Variants in LAMA1 observed in about 807,000 individuals in gnomAD.
LAMA1 encodes laminin subunit alpha 1, also known as laminin subunit alpha-1.
A neutral mutation model predicts 348.7 loss-of-function variants in LAMA1; 219 were observed. The ratio of observed to expected loss-of-function variants is 0.63; its 90% CI spans 0.56 to 0.70. The LOEUF is 0.70. LAMA1 is among the 30% of genes least tolerant of loss of function. The pLI is 0.00. For missense variants in LAMA1, 3,744 were observed against 3,888.0 expected (o/e 0.96, Z 0.99); for synonymous variants, 1,487 against 1,491.0 (o/e 1.00, Z 0.06).
At chr18:6,978,084 G>A (rs955297630) in intron 43 of LAMA1, 112 bp downstream of exon 43, 248 of 1,436,918 alleles carry the variant, frequency 1.7e-4, no homozygotes, top group Non-Finnish European at 2.3e-4. Flanking sequence ...CCAGATGTTA[G>A]CATACTTCTA....
At chr18:7,070,236 C>A (rs1022527082) in intron 3 of LAMA1, among the ~76,000 whole-genome samples, 2 of 152,126 alleles carry the variant, frequency 1.3e-5, no homozygotes, top group Middle Eastern at 3.4e-3. Flanking sequence ...TTGGTGGAGG[C>A]CAGTATGAAG....
At chr18:7,100,857 A>G (rs1055950245) in intron 1 of LAMA1, among the ~76,000 whole-genome samples, 1 of 152,048 alleles carries the variant, frequency 6.6e-6, no homozygotes, top group African/African-American at 2.4e-5. Flanking sequence ...TAAAAATACA[A>G]CAATTAGCCA....
At chr18:7,066,933 G>A (rs554067988) in intron 3 of LAMA1, among the ~76,000 whole-genome samples, 1 of 152,330 alleles carries the variant, frequency 6.6e-6, no homozygotes, top group Non-Finnish European at 1.5e-5. Flanking sequence ...ATATTCAAAT[G>A]TTTGTTGCAG....
rs777066645 is a variant in LAMA1, at chr18:6,976,101, T to C, written c.6346-21A>G. 1.1e-5 allele frequency: 17 copies of C among 1,613,772 alleles called. No individual in the cohort carries two copies. The East Asian group carries it at 3.8e-4, about 36-fold the overall frequency. ...TTAATCTGTAGAAGGAAAATGAAAG[T>C]GTCCCCATCATTTAGTGACACACAC... On this transcript the variant is annotated intron_variant, in intron 44 of 62. Transcript: ENST00000389658.
At chr18:7,097,499 CTTT>C (rs10566387) in intron 1 of LAMA1, among the ~76,000 whole-genome samples, 33 of 109,852 alleles carry the variant, frequency 3.0e-4, no homozygotes, top group African/African-American at 6.4e-4. Flanking sequence ...TCTCAGCTGG[CTTT>C]TTTTTTTTTT....
At chr18:6,945,939 C>T (rs2057519572) in intron 61 of LAMA1, among the ~76,000 whole-genome samples, 3 of 152,044 alleles carry the variant, frequency 2.0e-5, no homozygotes, top group South Asian at 2.1e-4. Flanking sequence ...ATCCTGCCTG[C>T]GCCCAGACAG....
At chr18:6,962,111 T>C in intron 51 of LAMA1, 52 bp from the exon 52 acceptor site, 6 of 1,309,550 alleles carry the variant, frequency 4.6e-6, no homozygotes, top group Non-Finnish European at 6.7e-6. Flanking sequence ...TTAAATTCCA[T>C]TTTTGAAAGA....
chr18:7,000,656 C>T (rs1389776877), intron 30 of LAMA1, among the ~76,000 whole-genome samples: 2 of 152,144 alleles, frequency 1.3e-5, no homozygotes, highest in East Asian at 3.9e-4. Flanking sequence ...TACCCTCTGC[C>T]TTCACGTTTT....
rs1471105868 is a variant in LAMA1, at chr18:7,043,258, G to A, written c.1124C>T (p.Thr375Ile). Residue 375 changes from threonine (T) to isoleucine (I), a missense_variant, in exon 8 of 63, where the codon ACC becomes ATC. By Grantham distance (89) the Thr-to-Ile change is moderately conservative (BLOSUM62 -1). This residue lies in a region of LAMA1 where 1,529 missense variants were observed against 1,689.4 expected (regional missense o/e 0.91). Transcript: ENST00000389658. ...LQNTMGINCE[T>I]CIDGYYRPHK... ...TGGTCTATAATATCCATCAATACAG[G>A]TTTCACAGTTGATTCCCATGGTGTT... The A allele has an allele frequency of 1.2e-6, 2 of 1,613,932 alleles. No homozygotes were observed. Among genetic ancestry groups the A allele is most frequent in the Non-Finnish European group, 1.7e-6 (2 of 1,180,014 alleles).
intron 36 of LAMA1, among the ~76,000 whole-genome samples, chr18:6,988,808 T>TAAAAAAAAAAA (rs1169877701): frequency 3.0e-5 from 3 of 100,466 alleles, no homozygotes; most frequent in Non-Finnish European, 3.8e-5. Flanking sequence ...TCCGTCTCAA[T>TAAAAAAAAAAA]AAAAAAAAAA....
intron 14 of LAMA1, 27 bp downstream of exon 14, chr18:7,034,448 CGTAA>C (rs2057985144): frequency 2.6e-6 from 4 of 1,511,142 alleles, no homozygotes; most frequent in Non-Finnish European, 3.7e-6. Flanking sequence ...GTACCTTCAC[CGTAA>C]GTTTTTCCTC....
rs1270217504 is a variant in LAMA1 at position 6,975,947 on chromosome 18, C to T, written c.6479G>A (p.Ser2160Asn). ...EPDNLLFYLG[S>N]STASDFLAVE... is the part of the protein sequence containing the mutation. ...AGGTCCATAACTTACAGCGGTGCTG[C>T]TACCGAGGTAGAAGAGAAGATTATC... Residue 2160 changes from serine (S) to asparagine (N), a missense_variant, in exon 45 of 63, where the codon AGC becomes AAC. Ser to Asn is a conservative substitution (Grantham distance 46). Around this residue, in one of 3 missense-constraint regions of LAMA1, gnomAD observed 1,983 missense variants for 1,934.3 expected, o/e 1.03. Transcript: ENST00000389658. 5.0e-6 allele frequency: 8 copies of T among 1,614,084 alleles called. No homozygotes were observed. Among genetic ancestry groups the T allele is most frequent in the South Asian group, 1.1e-5 (1 of 91,078 alleles).
At chr18:7,035,654 C>G (rs566329841) in intron 13 of LAMA1, among the ~76,000 whole-genome samples, 2 of 152,264 alleles carry the variant, frequency 1.3e-5, no homozygotes, top group East Asian at 3.9e-4. Context: ...TGGCTTCAAA[C>G]AATCCTCCTG....
At chr18:7,038,475 T>G (rs1170933847) in intron 11 of LAMA1, 4 of 390,416 alleles carry the variant, frequency 1.0e-5, no homozygotes, top group African/African-American at 8.3e-5. Flanking sequence ...CACGGCCCTC[T>G]GGGCTCCCAG....
chr18:7,010,052 C>T (rs536049184), intron 26 of LAMA1, 148 bp downstream of exon 26: 4 of 807,550 alleles, frequency 5.0e-6, no homozygotes, highest in South Asian at 1.5e-5. Context: ...GGTGATCCAC[C>T]CACCTCGGCT....
At chr18:7,099,773 C>T (rs1341090551) in intron 1 of LAMA1, among the ~76,000 whole-genome samples, 1 of 151,822 alleles carries the variant, frequency 6.6e-6, no homozygotes, top group African/African-American at 2.4e-5. Flanking sequence ...AAAAGACAAG[C>T]ATAGGCCAGG....
intron 15 of LAMA1, among the ~76,000 whole-genome samples, 171 bp from the exon 16 acceptor site, chr18:7,032,347 C>G (rs992494394): frequency 6.6e-6 from 1 of 152,176 alleles, no homozygotes; most frequent in Non-Finnish European, 1.5e-5. Context: ...TAGTAAAAAC[C>G]TTACCGAGCT....
At chr18:7,015,579 C>T in intron 22 of LAMA1, 143 bp downstream of exon 22, 1 of 1,012,902 alleles carries the variant, frequency 9.9e-7, no homozygotes, top group Non-Finnish European at 1.5e-6. Flanking sequence ...TGTGCCTGGC[C>T]CACATTGAGT....
chr18:7,042,204 G>A lies in LAMA1; in HGVS notation c.1202C>T (p.Pro401Leu). The A allele has an allele frequency of 6.2e-7, 1 of 1,612,830 alleles. No individual in the cohort carries two copies. The highest frequency in any genetic ancestry group is 8.5e-7 in the Non-Finnish European group (1 of 1,179,336). Reference sequence around the variant, plus strand: ...ACAGACAGAACTGAGGGACCCCACAGGGTCACAATTACAGGGGCGGCAAGG... The same window carrying A: ...ACAGACAGAACTGAGGGACCCCACAAGGTCACAATTACAGGGGCGGCAAGG... ...DEPCRPCNCD[P>L]VGSLSSVCIK... The change falls in exon 9 of 63, where the codon CCT (proline) becomes CTT (leucine). Residue 401 changes from proline to leucine, a missense_variant. Transcript: ENST00000389658.
Sources: allele counts gnomAD v4.1 joint callset (sites outside exome capture counted in the v4.1 genomes callset), GRCh38; gene constraint gnomAD v4.1.1; regional missense constraint gnomAD v4.1.1; transcripts MANE v1.5; gene names NCBI Gene and HGNC (gene_info 2026-07-23, HGNC 2026-07-21).